NBAS: variants seen among roughly 807,000 people sequenced by gnomAD.
The protein encoded by NBAS is NBAS subunit of NRZ tethering complex, also known as NAG/BC035112 fusion.
A neutral mutation model predicts 302.5 loss-of-function variants in NBAS; 219 were observed. The ratio of observed to expected loss-of-function variants is 0.72; its 90% CI spans 0.65 to 0.81. The LOEUF (loss-of-function observed/expected upper bound fraction) is 0.81, where lower values mean the gene tolerates loss of function less well. Ranked by LOEUF, NBAS falls within the 30% of genes least tolerant of loss-of-function variation. The probability of loss-of-function intolerance (pLI) is 0.00; values close to 1 mark genes in which losing one functional copy is unlikely to be tolerated. For missense variants in NBAS, 2,932 were observed against 2,841.6 expected (o/e 1.03, Z -0.72); for synonymous variants, 1,118 against 1,021.6 (o/e 1.09, Z -1.80).
intron 21 of NBAS, among the ~76,000 whole-genome samples, chr2:15,456,872 T>C (rs1679270326): frequency 7.2e-6 from 1 of 138,274 alleles, no homozygotes. Flanking sequence ...AGAAGACAAA[T>C]AACCATGTAA....
chr2:14,892,752 TTTG>T, the NBAS span, among the ~76,000 whole-genome samples: 1 of 152,180 alleles, frequency 6.6e-6, no homozygotes, highest in Non-Finnish European at 1.5e-5. Context: ...TCAAATCGTC[TTTG>T]TATTTCTGGG....
chr2:14,926,567 T>C, the NBAS span, among the ~76,000 whole-genome samples: 1 of 152,238 alleles, frequency 6.6e-6, no homozygotes, highest in African/African-American at 2.4e-5. Context: ...TTTTTTCATC[T>C]TTTATAGTCA....
the NBAS span, among the ~76,000 whole-genome samples, chr2:14,933,737 T>C: frequency 6.6e-6 from 1 of 152,160 alleles, no homozygotes; most frequent in Non-Finnish European, 1.5e-5. Flanking sequence ...TGAGCTGTTT[T>C]CTCAAGGCTA....
the NBAS span, among the ~76,000 whole-genome samples, chr2:14,931,192 G>A: frequency 1.6e-4 from 24 of 152,346 alleles, no homozygotes; most frequent in East Asian, 4.4e-3. Flanking sequence ...GGATACAGAG[G>A]CAGAATCCTG....
the NBAS span, among the ~76,000 whole-genome samples, chr2:15,048,440 T>G: frequency 2.0e-5 from 3 of 152,200 alleles, no homozygotes; most frequent in Non-Finnish European, 4.4e-5. Flanking sequence ...CTCCAAGGAT[T>G]GAAGTGCTAA....
At chr2:15,034,235 G>GAAA in the NBAS span, among the ~76,000 whole-genome samples, 11,843 of 81,034 alleles carry the variant, frequency 0.15, 2,225 homozygotes, top group East Asian at 0.27. Context: ...AAAGAAAGAA[G>GAAA]GAAAGAAAGA....
chr2:14,907,153 C>T, the NBAS span, among the ~76,000 whole-genome samples: 1 of 152,188 alleles, frequency 6.6e-6, no homozygotes, highest in Non-Finnish European at 1.5e-5. Context: ...GGATTTACTC[C>T]CTCTACTGGC....
the NBAS span, among the ~76,000 whole-genome samples, chr2:14,994,619 C>T: frequency 6.6e-6 from 1 of 152,338 alleles, no homozygotes; most frequent in Admixed American, 6.5e-5. Context: ...GCAGCTATTC[C>T]CCTCACTCTG....
At chr2:14,980,392 A>C in the NBAS span, among the ~76,000 whole-genome samples, 1 of 152,184 alleles carries the variant, frequency 6.6e-6, no homozygotes, top group African/African-American at 2.4e-5. Flanking sequence ...AATAGAAATA[A>C]TAAGAGACAG....
chr2:15,330,496 T>C, intron 36 of NBAS, 102 bp downstream of exon 36: 1 of 1,464,162 alleles, frequency 6.8e-7, no homozygotes, highest in Non-Finnish European at 9.4e-7. Context: ...GTTTTAACAA[T>C]CTAGAGAAGA....
At chr2:15,125,438 C>T in the NBAS span, among the ~76,000 whole-genome samples, 7 of 152,112 alleles carry the variant, frequency 4.6e-5, no homozygotes, top group Non-Finnish European at 7.4e-5. Flanking sequence ...CTCACTATCA[C>T]GAGGACAGTG....
chr2:15,300,483 T>C (rs574282497), intron 40 of NBAS, among the ~76,000 whole-genome samples: 2 of 152,348 alleles, frequency 1.3e-5, no homozygotes, highest in South Asian at 2.1e-4. Flanking sequence ...AACTCCTATA[T>C]ACTTAAAACA....
rs1489766379 is a variant in NBAS at position 15,461,793 on chromosome 2, TGAGGG to T, written c.2098-7_2098-3del. 3.3e-6 allele frequency: 5 copies of T among 1,529,680 alleles called. No individual in the cohort carries two copies. Among genetic ancestry groups the T allele is most frequent in the Non-Finnish European group, 4.5e-6 (5 of 1,104,916 alleles). The allele number at this position is 1,529,680 out of a possible 1,614,324, so 94.8% of individuals were successfully genotyped here. A position where few individuals can be genotyped will look rare whatever the true frequency, so the allele number is the denominator to read the frequency against. ...TGCATGAGGCACTCCTAGGATTTCC[TGAGGG>T]GAAATTTAATGAAAAGTGATTTAAT... is the stretch of plus-strand genomic sequence containing the variant. On this transcript the variant is annotated splice_region_variant and splice_polypyrimidine_tract_variant and intron_variant, in intron 19 of 51. Coordinates refer to ENST00000281513, the MANE Select transcript of NBAS (RefSeq NM_015909.4).
At position 15,461,785 on chromosome 2, in the gene NBAS, G is replaced by C. The variant is rs1164901865; in HGVS notation, c.2104C>G (p.Leu702Val). 6.3e-7 allele frequency: 1 copy of C among 1,580,724 alleles called. No individual in the cohort carries two copies. Among genetic ancestry groups the C allele is most frequent in the Admixed American group, 1.7e-5 (1 of 59,750 alleles). ...TGTTCAGATGCATGAGGCACTCCTA[G>C]GATTTCCTGAGGGGAAATTTAATGA... ...LDRLATYEEI[L>V]GVPHASEQRY... Residue 702 changes from leucine to valine, a missense_variant, in exon 20 of 52, where the codon CTA (leucine) becomes GTA (valine). Coordinates refer to ENST00000281513, the MANE Select transcript of NBAS (RefSeq NM_015909.4).
chr2:15,483,376 G>T, intron 12 of NBAS: 2 of 427,856 alleles, frequency 4.7e-6, no homozygotes, highest in South Asian at 3.6e-5. Context: ...CACCTACTAT[G>T]TGTGAAAAAG....
intron 48 of NBAS, among the ~76,000 whole-genome samples, chr2:15,196,906 G>A (rs1371772290): frequency 1.3e-5 from 2 of 152,124 alleles, no homozygotes; most frequent in Non-Finnish European, 2.9e-5. Flanking sequence ...TCTGTATTTG[G>A]TGACTTATCC....
the NBAS span, among the ~76,000 whole-genome samples, chr2:14,805,308 T>C: frequency 5.3e-5 from 8 of 152,124 alleles, no homozygotes; most frequent in Non-Finnish European, 1.2e-4. Flanking sequence ...GGAATGGCAA[T>C]TGGGAAAGCA....
At chr2:14,854,309 A>G in the NBAS span, among the ~76,000 whole-genome samples, 2 of 152,004 alleles carry the variant, frequency 1.3e-5, no homozygotes, top group East Asian at 3.9e-4. Flanking sequence ...TTAGTAAAAG[A>G]AAAGAAATAA....
chr2:14,957,455 C>A, the NBAS span, among the ~76,000 whole-genome samples: 2 of 152,200 alleles, frequency 1.3e-5, no homozygotes, highest in African/African-American at 2.4e-5. Flanking sequence ...AAGTAATACC[C>A]ACTATCTTTG....
Sources: allele counts gnomAD v4.1 joint callset (sites outside exome capture counted in the v4.1 genomes callset), GRCh38; gene constraint gnomAD v4.1.1; transcripts MANE v1.5; gene names NCBI Gene and HGNC (gene_info 2026-07-23, HGNC 2026-07-21).